The following KIAA0586 variants were observed in gnomAD, a reference collection of about 807,000 sequenced individuals.
KIAA0586 encodes the protein protein TALPID3.
Under a neutral mutation model 169.8 loss-of-function variants are expected in KIAA0586, and 144 were observed. That is an observed-to-expected ratio of 0.85 (90% CI 0.74 to 0.97). The LOEUF (loss-of-function observed/expected upper bound fraction) is 0.97. KIAA0586 is among the 50% of genes least tolerant of loss of function. The pLI is 0.00. For missense variants in KIAA0586, 1,854 were observed against 1,823.0 expected (o/e 1.02, Z -0.31); for synonymous variants, 625 against 612.4 (o/e 1.02, Z -0.30).
rs2044986991 is a variant in KIAA0586, at chr14:58,519,068, GT to G, written c.4429+6443del. 3.3e-5 allele frequency among the ~76,000 whole-genome samples: 5 copies of G among 152,320 alleles called. No individual in the cohort carries two copies. The South Asian group carries it at 1.0e-3, about 32-fold the overall frequency. On this transcript the variant is annotated intron_variant, in intron 29 of 30. Transcript: ENST00000652326. ...AATTGCTTAAGCCTAGGAGGCGGAGGTTGCAGTGAGCTGAGATCGCACCACT... is the reference window on the plus strand; with the variant it reads ...AATTGCTTAAGCCTAGGAGGCGGAGGTGCAGTGAGCTGAGATCGCACCACT...
chr14:58,488,869 C>G lies in KIAA0586; in HGVS notation c.3776C>G (p.Pro1259Arg). 6.2e-7 allele frequency: 1 copy of G among 1,613,320 alleles called. No homozygotes were observed. Among genetic ancestry groups the G allele is most frequent in the Non-Finnish European group, 8.5e-7 (1 of 1,179,582 alleles). Residue 1259 changes from proline to arginine, a missense_variant, in exon 24 of 31, where the codon CCC (proline) becomes CGC (arginine). Pro to Arg is a moderately radical substitution (Grantham distance 103). Coordinates refer to ENST00000652326, the MANE Select transcript of KIAA0586 (RefSeq NM_001329943.3). ...TTTAGCTGTGGTCAAAAATTGGCCC[C>G]CAAGAGTAAGTTAATTTGTATTAGT... ...ILFSCGQKLA[P>R]KILEDIGLYL...
chr14:58,477,195 C>G lies in KIAA0586; in HGVS notation c.2898C>G (p.Ile966Met). 1 of 1,580,542 alleles carries G rather than the reference C, an allele frequency of 6.3e-7. No homozygotes were observed. Among genetic ancestry groups the G allele is most frequent in the Non-Finnish European group, 8.6e-7 (1 of 1,160,620 alleles). Residue 966 changes from isoleucine to methionine, a missense_variant, in exon 20 of 31, where the codon ATC (isoleucine) becomes ATG (methionine). By Grantham distance (10) the Ile-to-Met change is conservative. Transcript: ENST00000652326. Reference sequence around the variant, plus strand: ...TCCAGCAACAGATTGCACCTAGTATCAGTGTTTCAGTCAGTGAGACAAGTG... The same window carrying G: ...TCCAGCAACAGATTGCACCTAGTATGAGTGTTTCAGTCAGTGAGACAAGTG... ...FPVQQQIAPS[I>M]SVSVSETSEP... is the part of the protein sequence containing the mutation.
chr14:58,481,485 G>A (rs2042026068), intron 20 of KIAA0586, among the ~76,000 whole-genome samples: 1 of 152,160 alleles, frequency 6.6e-6, no homozygotes, highest in South Asian at 2.1e-4. Flanking sequence ...AAGGAAGGGA[G>A]GTTTGCCTTT....
At chr14:58,484,890 T>A (rs8022001) in intron 21 of KIAA0586, among the ~76,000 whole-genome samples, 7 of 32,314 alleles carry the variant, frequency 2.2e-4, no homozygotes, top group African/African-American at 9.4e-4. Context: ...ATATATATAT[T>A]TATATATATA....
chr14:58,504,899 C>A (rs527513469), intron 27 of KIAA0586, among the ~76,000 whole-genome samples: 44 of 152,286 alleles, frequency 2.9e-4, no homozygotes, highest in African/African-American at 9.9e-4. Flanking sequence ...ATATTAATCT[C>A]ATGTGAGGGT....
chr14:58,457,943 C>T lies in KIAA0586; in HGVS notation c.1547C>T (p.Ala516Val), dbSNP rs1242032731. 1 of 1,600,770 alleles carries T rather than the reference C, an allele frequency of 6.2e-7. No homozygotes were observed. The highest frequency in any genetic ancestry group is 1.7e-5 in the Admixed American group (1 of 58,120). ...ATTATTCGTGCAAAAGATGGAGCTG[C>T]CATGTATTCGCTTATCAATGCTTTA... The part of the protein sequence containing the change: ...EAIIRAKDGA[A>V]MYSLINALST... The change falls in exon 11 of 31, where the codon GCC becomes GTC. Residue 516 changes from alanine (A) to valine (V), a missense_variant. Physicochemically the swap from Ala to Val is moderately conservative, Grantham distance 64. Transcript: ENST00000652326.
At chr14:58,478,985 T>G (rs2041850887) in intron 20 of KIAA0586, among the ~76,000 whole-genome samples, 1 of 152,244 alleles carries the variant, frequency 6.6e-6, no homozygotes, top group Non-Finnish European at 1.5e-5. Flanking sequence ...TTTCAGTTTT[T>G]GGCTATTATG....
intron 21 of KIAA0586, among the ~76,000 whole-genome samples, 184 bp from the exon 22 acceptor site, chr14:58,486,823 T>A (rs1349537761): frequency 6.6e-6 from 1 of 152,188 alleles, no homozygotes; most frequent in Non-Finnish European, 1.5e-5. Flanking sequence ...GGCAGAGTTA[T>A]TTCAATTGCC....
chr14:58,464,231 A>G, intron 14 of KIAA0586: 1 of 306,236 alleles, frequency 3.3e-6, no homozygotes. Context: ...AGAAGACTGA[A>G]TGGCTTTTTT....
rs186378072 is a variant in KIAA0586, at chr14:58,448,401, C to T, written c.869C>T (p.Ser290Phe). ...SSFQPVSMPS[S>F]RAVEKYSVKP... ...TTTCAGCCTGTTAGTATGCCCTCCT[C>T]CAGAGCAGTGGAAAAGTATTCCGTA... The change falls in exon 7 of 31, where the codon TCC becomes TTC. Residue 290 changes from serine to phenylalanine, a missense_variant. Physicochemically the swap from Ser to Phe is radical, Grantham distance 155. Transcript: ENST00000652326. The T allele has an allele frequency of 6.2e-7, 1 of 1,609,756 alleles. No homozygotes were observed. Among genetic ancestry groups the T allele is most frequent in the Non-Finnish European group, 8.5e-7 (1 of 1,176,268 alleles).
intron 27 of KIAA0586, among the ~76,000 whole-genome samples, chr14:58,506,624 T>C (rs1595417075): frequency 6.6e-6 from 1 of 150,442 alleles, no homozygotes; most frequent in Admixed American, 6.6e-5. Context: ...GAGGTGGAGG[T>C]TGCAGTGAGC....
chr14:58,540,410 A>G (rs2046576616), intron 30 of KIAA0586, among the ~76,000 whole-genome samples: 1 of 152,230 alleles, frequency 6.6e-6, no homozygotes, highest in East Asian at 1.9e-4. Flanking sequence ...AGCACTAAGG[A>G]TAAGACTCGA....
chr14:58,466,000 G>A lies in KIAA0586; in HGVS notation c.2225G>A (p.Gly742Asp). 1 of 1,610,502 alleles carries A rather than the reference G, an allele frequency of 6.2e-7. No homozygotes were observed. Among genetic ancestry groups the A allele is most frequent in the Non-Finnish European group, 8.5e-7 (1 of 1,178,464 alleles). ...EMPTFSGTLE[G>D]HLIPMAILLG... Reference sequence around the variant, plus strand: ...CCTACTTTTTCAGGTACATTGGAAGGTCATCTGATTCCTATGGCAATTCTT... The same window carrying A: ...CCTACTTTTTCAGGTACATTGGAAGATCATCTGATTCCTATGGCAATTCTT... Residue 742 changes from glycine to aspartate, a missense_variant, in exon 15 of 31, where the codon GGT becomes GAT. Physicochemically the swap from Gly to Asp is moderately conservative, Grantham distance 94. Transcript: ENST00000652326.
chr14:58,556,808 C>T, the KIAA0586 span, among the ~76,000 whole-genome samples: 1 of 152,094 alleles, frequency 6.6e-6, no homozygotes, highest in African/African-American at 2.4e-5. Context: ...TGCAATGGCT[C>T]GATCTCGGCT....
rs1595572629 is a variant in KIAA0586, at chr14:58,551,251, A to T, written c.*3319A>T. ...TTTAAATCCTAAATTCGTTCTTTGT[A>T]TACTTTAATAGAATCTTGAATAAAT... On this transcript the variant is annotated 3_prime_UTR_variant, in exon 31 of 31. Transcript: ENST00000652326. The T allele has an allele frequency of 6.6e-6, 1 of 152,196 alleles. No individual in the cohort carries two copies. Among genetic ancestry groups the T allele is most frequent in the African/African-American group, 2.4e-5 (1 of 41,440 alleles). The allele number at this position is 152,196 out of a possible 1,614,324, so 9.4% of individuals were successfully genotyped here.
intron 29 of KIAA0586, among the ~76,000 whole-genome samples, chr14:58,528,553 C>T (rs921465814): frequency 1.3e-5 from 2 of 152,228 alleles, no homozygotes; most frequent in East Asian, 3.8e-4. Flanking sequence ...AACAAACTCA[C>T]TCAAAACGGC....
intron 21 of KIAA0586, among the ~76,000 whole-genome samples, chr14:58,482,976 C>T (rs150585342): frequency 1.1e-3 from 172 of 152,212 alleles, no homozygotes; most frequent in African/African-American, 4.0e-3. Flanking sequence ...ATTAAAGTAA[C>T]GTTTCCCCCA....
chr14:58,491,007 T>C (rs1304798003), intron 25 of KIAA0586, among the ~76,000 whole-genome samples: 1 of 152,188 alleles, frequency 6.6e-6, no homozygotes. Flanking sequence ...AATTATTTAT[T>C]GCAAGTAATT....
upstream of KIAA0586, chr14:58,427,510 T>C: frequency 2.2e-6 from 3 of 1,380,010 alleles, no homozygotes; most frequent in East Asian, 2.5e-5. Flanking sequence ...TAGAGCGGTC[T>C]TGTGCGGCAA....
Sources: allele counts gnomAD v4.1 joint callset (sites outside exome capture counted in the v4.1 genomes callset), GRCh38; gene constraint gnomAD v4.1.1; transcripts MANE v1.5; gene names NCBI Gene and HGNC (gene_info 2026-07-23, HGNC 2026-07-21).